FAM110D: variants seen among roughly 807,000 people sequenced by gnomAD.
FAM110D encodes family with sequence similarity 110 member D.
For synonymous variants in FAM110D, 174 were observed against 189.4 expected (o/e 0.92, Z 0.67); for missense variants, 376 against 395.6 (o/e 0.95, Z 0.42).
Position 26,162,408 on chromosome 1 carries a change from A to G in FAM110D, c.*301A>G. 3.9e-6 allele frequency: 1 copy of G among 259,694 alleles called. No individual in the cohort carries two copies. Among genetic ancestry groups the G allele is most frequent in the Non-Finnish European group, 7.8e-6 (1 of 128,958 alleles). 16.1% of individuals were successfully genotyped at this position (259,694 alleles called of 1,614,324 possible). On this transcript the variant is annotated 3_prime_UTR_variant, in exon 2 of 2. Coordinates refer to ENST00000374268, the MANE Select transcript of FAM110D (RefSeq NM_024869.3). This position sits in a 1 kb window ranked among gnomAD's most constrained non-coding sequence, Gnocchi z 5.3. ...TATTTAAATGGGGAGCTGAGGAAGG[A>G]GCAAACGGGTTTTCGCGGTTAAACC...
At chr1:26,160,500 C>T (rs1288308638) in intron 1 of FAM110D, among the ~76,000 whole-genome samples, 1 of 152,150 alleles carries the variant, frequency 6.6e-6, no homozygotes, top group Non-Finnish European at 1.5e-5. Flanking sequence ...AAAAAGAAAC[C>T]TGGGTTCCAG....
intron 1 of FAM110D, among the ~76,000 whole-genome samples, chr1:26,160,042 G>T (rs1477679276): frequency 6.6e-6 from 1 of 152,008 alleles, no homozygotes; most frequent in Non-Finnish European, 1.5e-5. Context: ...GAAATTGCTT[G>T]GTTTTATAGC....
Position 26,161,348 on chromosome 1 carries a change from G to A in FAM110D, c.57G>A (p.Glu19=), listed in dbSNP as rs199569859. The change falls in exon 2 of 2, where the codon GAG becomes GAA. Residue 19 remains glutamate, a synonymous_variant. Coordinates refer to ENST00000374268, the MANE Select transcript of FAM110D (RefSeq NM_024869.3). This position sits in a 1 kb window ranked among gnomAD's most constrained non-coding sequence, Gnocchi z 5.4. ...PSRGRTPSAV[E]RLEADKAKYV... is the part of the protein sequence containing the mutation. ...GAGGACGGACCCCCAGCGCCGTGGA[G>A]AGGCTGGAAGCCGACAAAGCCAAGT... 230 of 1,593,358 alleles carry A rather than the reference G, an allele frequency of 1.4e-4. No individual in the cohort carries two copies. In the African/African-American group the frequency reaches 2.8e-3, roughly 20 times the overall value.
chr1:26,161,125 G>A lies in FAM110D; in HGVS notation c.-80-87G>A. On this transcript the variant is annotated intron_variant, in intron 1 of 1. Transcript: ENST00000374268. This position sits in a 1 kb window ranked among gnomAD's most constrained non-coding sequence, Gnocchi z 5.4. ...CGGCTAACCTGGATGGGAGAGGGTG[G>A]CTGACTGATCCTATACTGAGGAATG... The A allele has an allele frequency of 1.5e-6, 1 of 664,914 alleles. No individual in the cohort carries two copies. Among genetic ancestry groups the A allele is most frequent in the Non-Finnish European group, 2.5e-6 (1 of 405,942 alleles). The allele number at this position is 664,914 out of a possible 1,614,324, so 41.2% of individuals were successfully genotyped here.
rs2088388312 is a variant in FAM110D at position 26,163,223 on chromosome 1, C to G, written c.*1116C>G. 6.6e-6 allele frequency: 1 copy of G among 152,240 alleles called. No homozygotes were observed. The highest frequency in any genetic ancestry group is 2.4e-5 in the African/African-American group (1 of 41,446). 9.4% of individuals were successfully genotyped at this position (152,240 alleles called of 1,614,324 possible). ...ACTGCCTCCCTTTCCTGCAAGGACACACAAGTTCGCCTATTTTCATCACAG... is the reference window on the plus strand; with the variant it reads ...ACTGCCTCCCTTTCCTGCAAGGACAGACAAGTTCGCCTATTTTCATCACAG... On this transcript the variant is annotated 3_prime_UTR_variant, in exon 2 of 2. Transcript: ENST00000374268.
At position 26,161,135 on chromosome 1, in the gene FAM110D, C is replaced by T. The variant is rs1177826119; in HGVS notation, c.-80-77C>T. The T allele has an allele frequency of 8.0e-6, 6 of 754,210 alleles. No homozygotes were observed. The Admixed American group carries it at 8.9e-5, about 11-fold the overall frequency. 46.7% of individuals were successfully genotyped at this position (754,210 alleles called of 1,614,324 possible). A position where few individuals can be genotyped will look rare whatever the true frequency, so the allele number is the denominator to read the frequency against. ...GGATGGGAGAGGGTGGCTGACTGAT[C>T]CTATACTGAGGAATGCCGGCAGGAG... On this transcript the variant is annotated intron_variant, in intron 1 of 1. Coordinates refer to ENST00000374268, the MANE Select transcript of FAM110D (RefSeq NM_024869.3). The surrounding 1 kb of genome is among the most constrained non-coding windows in gnomAD (Gnocchi z 5.4).
Position 26,161,390 on chromosome 1 carries a change from G to C in FAM110D, c.99G>C (p.Gln33His). Residue 33 changes from glutamine (Q) to histidine (H), a missense_variant, in exon 2 of 2, where the codon CAG (glutamine) becomes CAC (histidine). Gln to His is a conservative substitution (Grantham distance 24). Transcript: ENST00000374268. The surrounding 1 kb of genome is among the most constrained non-coding windows in gnomAD (Gnocchi z 5.4). ...AAGCCAAGTATGTCAAGACGCACCA[G>C]GTGATAGCTAGGCGACAGGAGCCAG... is the stretch of plus-strand genomic sequence containing the variant. ...ADKAKYVKTH[Q>H]VIARRQEPAL... The C allele has an allele frequency of 6.3e-7, 1 of 1,599,264 alleles. No individual in the cohort carries two copies. Among genetic ancestry groups the C allele is most frequent in the Non-Finnish European group, 8.5e-7 (1 of 1,173,356 alleles).
chr1:26,159,399 T>C (rs1052414304), intron 1 of FAM110D, among the ~76,000 whole-genome samples: 1 of 152,080 alleles, frequency 6.6e-6, no homozygotes, highest in African/African-American at 2.4e-5. Flanking sequence ...TGACAGACTA[T>C]TTTGGTCCTT....
Position 26,162,544 on chromosome 1 carries a change from A to G in FAM110D, c.*437A>G, listed in dbSNP as rs534043653. On this transcript the variant is annotated 3_prime_UTR_variant, in exon 2 of 2. Transcript: ENST00000374268. This position sits in a 1 kb window ranked among gnomAD's most constrained non-coding sequence, Gnocchi z 5.3. Reference sequence around the variant, plus strand: ...TAAGGAGGGAGGAGTAGGGGATAGAAGTATTTCAAAATAGTTGTAATGCGC... The same window carrying G: ...TAAGGAGGGAGGAGTAGGGGATAGAGGTATTTCAAAATAGTTGTAATGCGC... 1 of 172,742 alleles carries G rather than the reference A, an allele frequency of 5.8e-6. No individual in the cohort carries two copies. The highest frequency in any genetic ancestry group is 1.4e-5 in the Non-Finnish European group (1 of 72,064). 10.7% of individuals were successfully genotyped at this position (172,742 alleles called of 1,614,324 possible). A position where few individuals can be genotyped will look rare whatever the true frequency, so the allele number is the denominator to read the frequency against.
rs2088377583 is a variant in FAM110D at position 26,162,202 on chromosome 1, C to T, written c.*95C>T. On this transcript the variant is annotated 3_prime_UTR_variant, in exon 2 of 2. Coordinates refer to ENST00000374268, the MANE Select transcript of FAM110D (RefSeq NM_024869.3). The surrounding 1 kb of genome is among the most constrained non-coding windows in gnomAD (Gnocchi z 5.3). Reference sequence around the variant, plus strand: ...CTGGGTGCCTTTGCGTAAGCCCTTCCTTCTGGAACTCAGTTTCGCGTCTGA... The same window carrying T: ...CTGGGTGCCTTTGCGTAAGCCCTTCTTTCTGGAACTCAGTTTCGCGTCTGA... 1.0e-5 allele frequency: 8 copies of T among 765,624 alleles called. No homozygotes were observed. In the East Asian group the frequency reaches 3.0e-4, roughly 29 times the overall value. 47.4% of individuals were successfully genotyped at this position (765,624 alleles called of 1,614,324 possible). A position where few individuals can be genotyped will look rare whatever the true frequency, so the allele number is the denominator to read the frequency against.
Position 26,161,960 on chromosome 1 carries a change from C to T in FAM110D, c.669C>T (p.Gly223=). 4 of 1,245,930 alleles carry T rather than the reference C, an allele frequency of 3.2e-6. No individual in the cohort carries two copies. The highest frequency in any genetic ancestry group is 4.0e-6 in the Non-Finnish European group (4 of 999,458). 77.2% of individuals were successfully genotyped at this position (1,245,930 alleles called of 1,614,324 possible). Residue 223 remains glycine (G), a synonymous_variant, in exon 2 of 2, where the codon GGC becomes GGT. Coordinates refer to ENST00000374268, the MANE Select transcript of FAM110D (RefSeq NM_024869.3). The surrounding 1 kb of genome is among the most constrained non-coding windows in gnomAD (Gnocchi z 5.4). ...ACAGGGGCGTGGACAGCCCGGGCGG[C>T]GCGGGCGGCGGCGGCGGCTCGGAGG... ...SSDRGVDSPG[G]AGGGGGSEAA...
intron 1 of FAM110D, among the ~76,000 whole-genome samples, chr1:26,159,638 G>T (rs1465633627): frequency 1.3e-5 from 2 of 150,958 alleles, no homozygotes; most frequent in African/African-American, 2.4e-5. Flanking sequence ...GCTGGGTGCA[G>T]GGGTGGGCTG....
Position 26,161,918 on chromosome 1 carries a change from C to A in FAM110D, c.627C>A (p.Ser209Arg). The change falls in exon 2 of 2, where the codon AGC (serine) becomes AGA (arginine). Residue 209 changes from serine (S) to arginine (R), a missense_variant. Physicochemically the swap from Ser to Arg is moderately radical, Grantham distance 110. Coordinates refer to ENST00000374268, the MANE Select transcript of FAM110D (RefSeq NM_024869.3). This position sits in a 1 kb window ranked among gnomAD's most constrained non-coding sequence, Gnocchi z 5.4. ...CGCCGCCCGGCTCCGGGGACGCCAG[C>A]GACTGGACATCCAGCGACAGGGGCG... ...TSPPPGSGDA[S>R]DWTSSDRGVD... is the part of the protein sequence containing the mutation. 1 of 1,411,366 alleles carries A rather than the reference C, an allele frequency of 7.1e-7. No individual in the cohort carries two copies. Among genetic ancestry groups the A allele is most frequent in the Non-Finnish European group, 9.2e-7 (1 of 1,090,642 alleles). The allele number at this position is 1,411,366 out of a possible 1,614,324, so 87.4% of individuals were successfully genotyped here.
chr1:26,161,299 T>C lies in FAM110D; in HGVS notation c.8T>C (p.Leu3Pro), dbSNP rs541536393. 43 of 1,575,852 alleles carry C rather than the reference T, an allele frequency of 2.7e-5. No individual in the cohort carries two copies. In the East Asian group the frequency reaches 8.2e-4, roughly 30 times the overall value. The change falls in exon 2 of 2, where the codon CTG becomes CCG. Residue 3 changes from leucine to proline, a missense_variant. Transcript: ENST00000374268. The surrounding 1 kb of genome is among the most constrained non-coding windows in gnomAD (Gnocchi z 5.4). ...CTGACCAGCTCTGCTAAGATGCTCC[T>C]GGCCCCTCCCTCCACCCCGTCCAGA... MLLAPPSTPSRGR... is the reference protein window; with the variant it reads MLPAPPSTPSRGR...
chr1:26,161,189 CT>C lies in FAM110D; in HGVS notation c.-80-22del. The C allele has an allele frequency of 1.6e-6, 2 of 1,218,016 alleles. No homozygotes were observed. The highest frequency in any genetic ancestry group is 1.1e-6 in the Non-Finnish European group (1 of 888,324). The allele number at this position is 1,218,016 out of a possible 1,614,324, so 75.5% of individuals were successfully genotyped here. A position where few individuals can be genotyped will look rare whatever the true frequency, so the allele number is the denominator to read the frequency against. On this transcript the variant is annotated intron_variant, in intron 1 of 1. Transcript: ENST00000374268. The surrounding 1 kb of genome is among the most constrained non-coding windows in gnomAD (Gnocchi z 5.4). ...ACCAGGGGCATTTCCTACCCTTCCC[CT>C]GACCTTCCTCTCTCCCTGCAGGTCA...
chr1:26,161,741 G>A lies in FAM110D; in HGVS notation c.450G>A (p.Ala150=), dbSNP rs1233038402. ...CCCCGGAAGCGGCGGGAAAGCGGGC[G>A]CTGTGTCCCACGTGCTCGCTGCCCC... The part of the protein sequence containing the change: ...QDAPEAAGKR[A]LCPTCSLPLS... Residue 150 remains alanine, a synonymous_variant, in exon 2 of 2, where the codon GCG becomes GCA. Transcript: ENST00000374268. This position sits in a 1 kb window ranked among gnomAD's most constrained non-coding sequence, Gnocchi z 5.4. 1 of 1,548,364 alleles carries A rather than the reference G, an allele frequency of 6.5e-7. No homozygotes were observed. The highest frequency in any genetic ancestry group is 8.7e-7 in the Non-Finnish European group (1 of 1,146,406).
Position 26,161,514 on chromosome 1 carries a change from G to C in FAM110D, c.223G>C (p.Gly75Arg), listed in dbSNP as rs537883984. Reference sequence around the variant, plus strand: ...GCCCAGGCCGGTCCGCCGGGGAAGCGGCAGGCGGCTGCCGAGGCCTGATTC... The same window carrying C: ...GCCCAGGCCGGTCCGCCGGGGAAGCCGCAGGCGGCTGCCGAGGCCTGATTC... ...RTPRPVRRGS[G>R]RRLPRPDSLI... Residue 75 changes from glycine (G) to arginine (R), a missense_variant, in exon 2 of 2, where the codon GGC becomes CGC. Coordinates refer to ENST00000374268, the MANE Select transcript of FAM110D (RefSeq NM_024869.3). This position sits in a 1 kb window ranked among gnomAD's most constrained non-coding sequence, Gnocchi z 5.4. The C allele has an allele frequency of 1.3e-6, 2 of 1,551,514 alleles. No homozygotes were observed. Among genetic ancestry groups the C allele is most frequent in the African/African-American group, 2.7e-5 (2 of 73,242 alleles).
Position 26,162,374 on chromosome 1 carries a change from T to C in FAM110D, c.*267T>C, listed in dbSNP as rs986752633. 2 of 318,250 alleles carry C rather than the reference T, an allele frequency of 6.3e-6. No homozygotes were observed. Among genetic ancestry groups the C allele is most frequent in the African/African-American group, 4.4e-5 (2 of 45,718 alleles). 19.7% of individuals were successfully genotyped at this position (318,250 alleles called of 1,614,324 possible). On this transcript the variant is annotated 3_prime_UTR_variant, in exon 2 of 2. Transcript: ENST00000374268. The surrounding 1 kb of genome is among the most constrained non-coding windows in gnomAD (Gnocchi z 5.3). The stretch of plus-strand genomic sequence containing the variant: ...AGATGAGCAAACCTGCTGAATAAAG[T>C]TAAAACGTTATTTAAATGGGGAGCT...
intron 1 of FAM110D, among the ~76,000 whole-genome samples, chr1:26,160,726 A>G (rs1450755190): frequency 2.0e-5 from 3 of 151,988 alleles, no homozygotes. Flanking sequence ...GGGCCTGGGC[A>G]GGGCAGTTGG....
Sources: gnomAD v4.1 joint callset for allele counts (sites outside exome capture counted in the v4.1 genomes callset) on GRCh38, gnomAD v4.1.1 for gene constraint, Gnocchi (gnomAD v3.1) non-coding constraint, MANE v1.5 for transcripts, NCBI Gene and HGNC (gene_info 2026-07-23, HGNC 2026-07-21) for gene names.